CDC37L1: variants seen among roughly 807,000 people sequenced by gnomAD.
The protein encoded by CDC37L1 is cell division cycle 37 like 1, HSP90 cochaperone.
Under a neutral mutation model 45.9 loss-of-function variants are expected in CDC37L1, and 32 were observed. That is an observed-to-expected ratio of 0.70 (90% CI 0.53 to 0.94). The LOEUF is 0.94. Among genes scored for constraint, CDC37L1 ranks in the 40% least tolerant of loss-of-function variants. The pLI is 0.00. For missense variants in CDC37L1, 434 were observed against 405.7 expected, an observed-to-expected ratio of 1.07 and a Z score of -0.60; for synonymous variants, 150 against 133.0, an observed-to-expected ratio of 1.13 and a Z score of -0.88.
At chr9:4,692,271 TG>T (rs975059506) in intron 3 of CDC37L1, among the ~76,000 whole-genome samples, 10 of 151,900 alleles carry the variant, frequency 6.6e-5, no homozygotes, top group Middle Eastern at 6.8e-3. Context: ...ATGATTTTAA[TG>T]TTTTTTTTTT....
rs1205919924 is a variant in CDC37L1, at chr9:4,706,884, C to G, written c.*772C>G. ...TCTTTCTTAACATAGTCTGGGATCT[C>G]TCAGGGAGTAAGTTTTAAAAGAATA... On this transcript the variant is annotated 3_prime_UTR_variant, in exon 7 of 7. Transcript: ENST00000381854. 3 of 152,084 alleles carry G rather than the reference C, an allele frequency of 2.0e-5. No homozygotes were observed. The highest frequency in any genetic ancestry group is 2.9e-5 in the Non-Finnish European group (2 of 68,010). The allele number at this position is 152,084 out of a possible 1,614,324, so 9.4% of individuals were successfully genotyped here.
intron 1 of CDC37L1, among the ~76,000 whole-genome samples, chr9:4,682,476 C>A (rs961747616): frequency 1.3e-5 from 2 of 151,758 alleles, no homozygotes; most frequent in Non-Finnish European, 2.9e-5. Context: ...TACAGGCACC[C>A]GCCACCATGC....
In CDC37L1 at chr9:4,679,803, C is replaced by T; in HGVS notation, c.36C>T (p.Ser12=). Residue 12 remains serine (S), a synonymous_variant, in exon 1 of 7, where the codon AGC becomes AGT. Coordinates refer to ENST00000381854, the MANE Select transcript of CDC37L1 (RefSeq NM_017913.4). Reference sequence around the variant, plus strand: ...CGTGGCCGCCTCCGGGACCCTGGAGCCTCCCTCGGGCCGAGGGTGAGGCTG... The same window carrying T: ...CGTGGCCGCCTCCGGGACCCTGGAGTCTCCCTCGGGCCGAGGGTGAGGCTG... ...EQPWPPPGPW[S]LPRAEGEAEE... 1 of 1,613,612 alleles carries T rather than the reference C, an allele frequency of 6.2e-7. No individual in the cohort carries two copies. Among genetic ancestry groups the T allele is most frequent in the Non-Finnish European group, 8.5e-7 (1 of 1,179,712 alleles).
At position 4,701,939 on chromosome 9, in the gene CDC37L1, C is replaced by G; in HGVS notation, c.823C>G (p.Gln275Glu). The part of the protein sequence containing the change: ...AFKSRVRLYS[Q>E]SQSFQPMTVQ... ...CAAGTCAAGAGTAAGACTTTATTCT[C>G]AATCACAAAGTTTTCAACCTATGAC... Residue 275 changes from glutamine (Q) to glutamate (E), a missense_variant, in exon 6 of 7, where the codon CAA (glutamine) becomes GAA (glutamate). Transcript: ENST00000381854. 1 of 1,592,320 alleles carries G rather than the reference C, an allele frequency of 6.3e-7. No homozygotes were observed.
chr9:4,680,112 C>G (rs1355272757), intron 1 of CDC37L1, among the ~76,000 whole-genome samples: 3 of 152,212 alleles, frequency 2.0e-5, no homozygotes, highest in Admixed American at 2.0e-4. Context: ...CCAACCTCCA[C>G]CTCCACGCAC....
rs373789928 is a variant in CDC37L1 at position 4,685,103 on chromosome 9, G to C, written c.359G>C (p.Arg120Thr). Residue 120 changes from arginine to threonine, a missense_variant, in exon 2 of 7, where the codon AGA becomes ACA. Arg to Thr is a moderately conservative substitution (Grantham distance 71). Transcript: ENST00000381854. ...CAGAAAGAAGAAGCTCTAGTACAAA[G>C]AGAGAAGATGTGTCTGTGGAGCACG... is the stretch of plus-strand genomic sequence containing the variant. The part of the protein sequence containing the change: ...WRQKEEALVQ[R>T]EKMCLWSTDA... 5.0e-6 allele frequency: 8 copies of C among 1,613,786 alleles called. No homozygotes were observed. The African/African-American group carries it at 6.7e-5, about 13-fold the overall frequency.
chr9:4,701,480 T>C (rs1841395453), intron 5 of CDC37L1, among the ~76,000 whole-genome samples: 1 of 152,220 alleles, frequency 6.6e-6, no homozygotes, highest in Non-Finnish European at 1.5e-5. Context: ...AGAATATCCC[T>C]TGATTGTTTG....
Position 4,706,308 on chromosome 9 carries a change from G to C in CDC37L1, c.*196G>C, listed in dbSNP as rs944874162. ...TTGTTTTGTTTTGTTCTGAAGAGAA[G>C]AGTGGTACCATATGTTGCAGGAAGT... On this transcript the variant is annotated 3_prime_UTR_variant, in exon 7 of 7. Transcript: ENST00000381854. The C allele has an allele frequency of 3.2e-5, 12 of 374,712 alleles. No homozygotes were observed. The East Asian group carries it at 4.2e-4, about 13-fold the overall frequency. 23.2% of individuals were successfully genotyped at this position (374,712 alleles called of 1,614,324 possible).
intron 3 of CDC37L1, among the ~76,000 whole-genome samples, chr9:4,696,736 C>A (rs145138669): frequency 6.6e-6 from 1 of 152,148 alleles, no homozygotes; most frequent in Non-Finnish European, 1.5e-5. Context: ...TTGTTTATAA[C>A]AGACATCATG....
chr9:4,680,018 G>A, intron 1 of CDC37L1, 119 bp downstream of exon 1: 3 of 1,316,730 alleles, frequency 2.3e-6, no homozygotes, highest in Non-Finnish European at 3.1e-6. Context: ...ACTGCCAGGG[G>A]CCGGGGACCT....
At position 4,681,419 on chromosome 9, in the gene CDC37L1, C is replaced by G. The variant is rs539534393; in HGVS notation, c.132+1520C>G. 4.0e-4 allele frequency among the ~76,000 whole-genome samples: 61 copies of G among 152,260 alleles called. No homozygotes were observed. In the South Asian group the frequency reaches 0.012, roughly 30 times the overall value. ...CTCCTAGTCCAGTATATTTTCCCAC[C>G]TACTGCACTGCCCACCAGAGTTCGA... On this transcript the variant is annotated intron_variant, in intron 1 of 6. Transcript: ENST00000381854.
rs561176224 is a variant in CDC37L1 at position 4,692,744 on chromosome 9, G to A, written c.508+4138G>A. Among the ~76,000 whole-genome samples the A allele has an allele frequency of 5.3e-5, 8 of 152,118 alleles. No homozygotes were observed. In the East Asian group the frequency reaches 7.7e-4, roughly 15 times the overall value. On this transcript the variant is annotated intron_variant, in intron 3 of 6. Transcript: ENST00000381854. ...TAATCTGAAAAAAATTTTTCAAAGC[G>A]TTTATCCTAAGAATCAAAATGGCTT...
At chr9:4,687,507 C>T (rs1490724476) in intron 2 of CDC37L1, among the ~76,000 whole-genome samples, 1 of 151,860 alleles carries the variant, frequency 6.6e-6, no homozygotes, top group Non-Finnish European at 1.5e-5. Flanking sequence ...AGCAAGACCA[C>T]GTCTCTACAA....
Position 4,688,614 on chromosome 9 carries a change from T to C in CDC37L1, c.508+8T>C. 6.8e-7 allele frequency: 1 copy of C among 1,466,916 alleles called. No homozygotes were observed. The highest frequency in any genetic ancestry group is 1.4e-5 in the African/African-American group (1 of 70,082). The allele number at this position is 1,466,916 out of a possible 1,614,324, so 90.9% of individuals were successfully genotyped here. ...AAAAAATCAGACATTTTGGTAAGTC[T>C]ACTACTTGGATTTCCTTCTTTGTAA... On this transcript the variant is annotated splice_region_variant and intron_variant, in intron 3 of 6. Transcript: ENST00000381854.
chr9:4,702,969 C>A, intron 6 of CDC37L1: 1 of 908,994 alleles, frequency 1.1e-6, no homozygotes, highest in Non-Finnish European at 1.5e-6. Flanking sequence ...CATGATCAGA[C>A]CACTGGTCTG....
Position 4,706,148 on chromosome 9 carries a change from TTACAA to T in CDC37L1, c.*37_*41del. The stretch of plus-strand genomic sequence containing the variant: ...ACTGCTGAGGCCAAGTGCTATTTTG[TTACAA>T]GAAAGGAAGAACTTGGCTATTTTCT... On this transcript the variant is annotated 3_prime_UTR_variant, in exon 7 of 7. Coordinates refer to ENST00000381854, the MANE Select transcript of CDC37L1 (RefSeq NM_017913.4). 1 of 1,021,472 alleles carries T rather than the reference TTACAA, an allele frequency of 9.8e-7. No individual in the cohort carries two copies. Among genetic ancestry groups the T allele is most frequent in the Non-Finnish European group, 1.6e-6 (1 of 644,934 alleles). 63.3% of individuals were successfully genotyped at this position (1,021,472 alleles called of 1,614,324 possible). A position where few individuals can be genotyped will look rare whatever the true frequency, so the allele number is the denominator to read the frequency against.
At chr9:4,698,595 A>C (rs1587622278) in intron 5 of CDC37L1, among the ~76,000 whole-genome samples, 2 of 151,974 alleles carry the variant, frequency 1.3e-5, no homozygotes, top group South Asian at 4.2e-4. Flanking sequence ...AAATTGGAAC[A>C]ACCACTTTAA....
chr9:4,688,632 C>G, intron 3 of CDC37L1, 26 bp downstream of exon 3: 1 of 1,372,550 alleles, frequency 7.3e-7, no homozygotes, highest in Middle Eastern at 1.8e-4. Flanking sequence ...GGATTTCCTT[C>G]TTTGTAATGT....
rs757156457 is a variant in CDC37L1 at position 4,685,099 on chromosome 9, C to G, written c.355C>G (p.Gln119Glu). The G allele has an allele frequency of 6.2e-6, 10 of 1,613,468 alleles. No homozygotes were observed. The highest frequency in any genetic ancestry group is 8.5e-6 in the Non-Finnish European group (10 of 1,179,572). Residue 119 changes from glutamine to glutamate, a missense_variant, in exon 2 of 7, where the codon CAA becomes GAA. Transcript: ENST00000381854. ...GCGACAGAAAGAAGAAGCTCTAGTA[C>G]AAAGAGAGAAGATGTGTCTGTGGAG... ...EWRQKEEALV[Q>E]REKMCLWSTD...
Sources: allele counts gnomAD v4.1 joint callset (sites outside exome capture counted in the v4.1 genomes callset), GRCh38; gene constraint gnomAD v4.1.1; transcripts MANE v1.5; gene names NCBI Gene and HGNC (gene_info 2026-07-23, HGNC 2026-07-21).